MAP1B: variants seen among roughly 807,000 people sequenced by gnomAD.
MAP1B encodes microtubule associated protein 1B, also known as microtubule-associated protein 1B.
MAP1B carries 12 observed loss-of-function variants against 176.1 expected under a neutral mutation model. The ratio of observed to expected loss-of-function variants is 0.07; its 90% CI spans 0.04 to 0.11. The LOEUF (loss-of-function observed/expected upper bound fraction) is 0.11. Ranked by LOEUF, MAP1B falls within the 10% of genes least tolerant of loss-of-function variation. MAP1B has a pLI of 1.00. For synonymous variants in MAP1B, 1,044 were observed against 1,135.0 expected, an observed-to-expected ratio of 0.92 and a Z score of 1.61; for missense variants, 2,523 against 2,990.5, an observed-to-expected ratio of 0.84 and a Z score of 3.65.
rs1216150042 is a variant in MAP1B at position 72,205,340 on chromosome 5, CT to C, written c.*102del. 10 of 1,224,562 alleles carry C rather than the reference CT, an allele frequency of 8.2e-6. No individual in the cohort carries two copies. The East Asian group carries it at 2.1e-4, about 26-fold the overall frequency. 75.9% of individuals were successfully genotyped at this position (1,224,562 alleles called of 1,614,324 possible). On this transcript the variant is annotated 3_prime_UTR_variant, in exon 7 of 7. Coordinates refer to ENST00000296755, the MANE Select transcript of MAP1B (RefSeq NM_005909.5). ...AAAGTCAATTCATCTAGTTAAGTCG[CT>C]GAACAATTACCTGCCAAATGCTATA...
At chr5:72,109,050 TC>T (rs1466897992) in intron 1 of MAP1B, among the ~76,000 whole-genome samples, 4 of 151,706 alleles carry the variant, frequency 2.6e-5, no homozygotes, top group Admixed American at 1.3e-4. Context: ...CGTTCCCCAC[TC>T]CCCCTCCCCA....
Position 72,197,284 on chromosome 5 carries a change from G to A in MAP1B, c.3929G>A (p.Cys1310Tyr). Reference sequence around the variant, plus strand: ...ACCCAAGAAGTAGTTGAAGAACATTGTGCTAGTCCTGAGGACAAGACTCTG... The same window carrying A: ...ACCCAAGAAGTAGTTGAAGAACATTATGCTAGTCCTGAGGACAAGACTCTG... ...EVTQEVVEEH[C>Y]ASPEDKTLEV... The change falls in exon 5 of 7, where the codon TGT becomes TAT. Residue 1310 changes from cysteine to tyrosine, a missense_variant. Coordinates refer to ENST00000296755, the MANE Select transcript of MAP1B (RefSeq NM_005909.5). 1 of 1,614,192 alleles carries A rather than the reference G, an allele frequency of 6.2e-7. No individual in the cohort carries two copies.
chr5:72,119,937 C>T (rs1184845634), intron 2 of MAP1B, among the ~76,000 whole-genome samples: 1 of 152,102 alleles, frequency 6.6e-6, no homozygotes, highest in East Asian at 1.9e-4. Flanking sequence ...TTAAGTCTGA[C>T]CACAAAAGCA....
intron 2 of MAP1B, among the ~76,000 whole-genome samples, chr5:72,136,870 C>T (rs566533102): frequency 3.3e-4 from 50 of 152,140 alleles, no homozygotes; most frequent in African/African-American, 1.1e-3. Flanking sequence ...TATTTTTTGC[C>T]AAGCCCATAC....
rs1747258888 is a variant in MAP1B at position 72,199,080 on chromosome 5, A to C, written c.5725A>C (p.Ile1909Leu). 1.9e-6 allele frequency: 3 copies of C among 1,614,128 alleles called. No individual in the cohort carries two copies. Among genetic ancestry groups the C allele is most frequent in the Non-Finnish European group, 2.5e-6 (3 of 1,180,006 alleles). ...SDVGGYYYEK[I>L]ERTTKSPSDS... ...TGTGGGTGGCTATTACTATGAGAAG[A>C]TAGAGAGAACCACAAAATCTCCAAG... Residue 1909 changes from isoleucine (I) to leucine (L), a missense_variant, in exon 5 of 7, where the codon ATA becomes CTA. Transcript: ENST00000296755. The surrounding 1 kb of genome is among the most constrained non-coding windows in gnomAD (Gnocchi z 4.2).
chr5:72,180,205 T>G (rs1746737410), intron 2 of MAP1B, among the ~76,000 whole-genome samples: 1 of 152,220 alleles, frequency 6.6e-6, no homozygotes, highest in Admixed American at 6.5e-5. Context: ...AGCCACTTTA[T>G]GTACCTTGCT....
At chr5:72,152,713 C>T (rs1048320124) in intron 2 of MAP1B, among the ~76,000 whole-genome samples, 3 of 152,206 alleles carry the variant, frequency 2.0e-5, no homozygotes, top group African/African-American at 2.4e-5. Flanking sequence ...GGATTACAGG[C>T]ATGAGCCACC....
intron 4 of MAP1B, among the ~76,000 whole-genome samples, chr5:72,188,562 A>G (rs1746962318): frequency 6.6e-6 from 1 of 152,240 alleles, no homozygotes; most frequent in Admixed American, 6.5e-5. Flanking sequence ...TCAATAAGGA[A>G]GTAACACGAT....
chr5:72,126,630 C>T (rs1488275664), intron 2 of MAP1B, among the ~76,000 whole-genome samples: 1 of 152,142 alleles, frequency 6.6e-6, no homozygotes, highest in African/African-American at 2.4e-5. Context: ...TGAATTTTTA[C>T]TAAATTGTCT....
intron 2 of MAP1B, among the ~76,000 whole-genome samples, chr5:72,171,223 T>C (rs1746530953): frequency 6.6e-6 from 1 of 152,192 alleles, no homozygotes; most frequent in Non-Finnish European, 1.5e-5. Flanking sequence ...TAGCAAAGGA[T>C]AGTGCCTGAA....
At chr5:72,183,697 G>C in intron 2 of MAP1B, 46 bp from the exon 3 acceptor site, 1 of 1,514,376 alleles carries the variant, frequency 6.6e-7, no homozygotes, top group Non-Finnish European at 9.2e-7. Context: ...TTTTTATCTG[G>C]AAAAGCTAAA....
chr5:72,162,665 G>A (rs963999736), intron 2 of MAP1B, among the ~76,000 whole-genome samples: 4 of 152,192 alleles, frequency 2.6e-5, no homozygotes, highest in African/African-American at 9.6e-5. Context: ...GGAGTCCAGG[G>A]TCTTTGCTGC....
chr5:72,196,565 G>C lies in MAP1B; in HGVS notation c.3210G>C (p.Lys1070Asn). ...ATGGATTCCTCACCACACCAACCAA[G>C]CAACTAGGAGCCCAGTCTCCTGGCC... ...EQYGFLTTPT[K>N]QLGAQSPGRE... The change falls in exon 5 of 7, where the codon AAG becomes AAC. Residue 1070 changes from lysine (K) to asparagine (N), a missense_variant. Physicochemically the swap from Lys to Asn is moderately conservative, Grantham distance 94. This residue lies in a region of MAP1B where 1,925 missense variants were observed against 2,126.0 expected (regional missense o/e 0.91). Coordinates refer to ENST00000296755, the MANE Select transcript of MAP1B (RefSeq NM_005909.5). This position sits in a 1 kb window ranked among gnomAD's most constrained non-coding sequence, Gnocchi z 5.3. 1.2e-6 allele frequency: 2 copies of C among 1,613,748 alleles called. No homozygotes were observed. Among genetic ancestry groups the C allele is most frequent in the Non-Finnish European group, 1.7e-6 (2 of 1,180,036 alleles).
intron 2 of MAP1B, among the ~76,000 whole-genome samples, chr5:72,165,366 GAATA>G (rs1213021791): frequency 1.3e-5 from 2 of 152,108 alleles, no homozygotes; most frequent in Admixed American, 6.5e-5. Flanking sequence ...ATGAATGAAT[GAATA>G]GATACTTAAG....
rs1406823779 is a variant in MAP1B, at chr5:72,208,393, A to T, written c.*3154A>T. On this transcript the variant is annotated 3_prime_UTR_variant, in exon 7 of 7. Transcript: ENST00000296755. Reference sequence around the variant, plus strand: ...GGATTCTATCGAGATAGCACTCATGATCATGACCTTTTTGGTAGTATTCTT... The same window carrying T: ...GGATTCTATCGAGATAGCACTCATGTTCATGACCTTTTTGGTAGTATTCTT... The T allele has an allele frequency of 6.6e-6, 1 of 152,194 alleles. No individual in the cohort carries two copies. The highest frequency in any genetic ancestry group is 2.4e-5 in the African/African-American group (1 of 41,452). 9.4% of individuals were successfully genotyped at this position (152,194 alleles called of 1,614,324 possible).
At chr5:72,167,197 C>G (rs1043052836) in intron 2 of MAP1B, among the ~76,000 whole-genome samples, 14 of 152,058 alleles carry the variant, frequency 9.2e-5, no homozygotes, top group African/African-American at 3.4e-4. Flanking sequence ...CTGGTCCATG[C>G]AAGTCATATG....
Position 72,200,083 on chromosome 5 carries a change from C to G in MAP1B, c.6728C>G (p.Thr2243Ser). The change falls in exon 5 of 7, where the codon ACC becomes AGC. Residue 2243 changes from threonine (T) to serine (S), a missense_variant. Physicochemically the swap from Thr to Ser is moderately conservative, Grantham distance 58. This residue lies in a region of MAP1B where 287 missense variants were observed against 401.5 expected (regional missense o/e 0.71). Coordinates refer to ENST00000296755, the MANE Select transcript of MAP1B (RefSeq NM_005909.5). ...CTAAAGAAAGATCTGAAAGAGAAGA[C>G]CAAAACCAAAAAGCCAGGTACAAAG... Reference protein sequence around the residue: ...KALKKDLKEKTKTKKPGTKTK... With the variant: ...KALKKDLKEKSKTKKPGTKTK... 1 of 1,614,138 alleles carries G rather than the reference C, an allele frequency of 6.2e-7. No homozygotes were observed. The highest frequency in any genetic ancestry group is 8.5e-7 in the Non-Finnish European group (1 of 1,180,032).
intron 2 of MAP1B, among the ~76,000 whole-genome samples, chr5:72,138,283 T>G (rs1390165669): frequency 6.6e-6 from 1 of 152,126 alleles, no homozygotes; most frequent in East Asian, 1.9e-4. Flanking sequence ...ATGAAAAATG[T>G]TCAACCTCTT....
chr5:72,152,281 T>C (rs1307941519), intron 2 of MAP1B, among the ~76,000 whole-genome samples: 4 of 152,120 alleles, frequency 2.6e-5, no homozygotes, highest in South Asian at 2.1e-4. Context: ...AGTGAAGCAA[T>C]TGGCCTCTAG....
Sources: allele counts gnomAD v4.1 joint callset (sites outside exome capture counted in the v4.1 genomes callset), GRCh38; gene constraint gnomAD v4.1.1; regional missense constraint gnomAD v4.1.1; non-coding constraint Gnocchi (gnomAD v3.1); transcripts MANE v1.5; gene names NCBI Gene and HGNC (gene_info 2026-07-23, HGNC 2026-07-21).